MFAP4: variants seen among roughly 807,000 people sequenced by gnomAD.
The protein encoded by MFAP4 is microfibril-associated glycoprotein 4.
MFAP4 carries 20 observed loss-of-function variants against 32.4 expected under a neutral mutation model. The ratio of observed to expected loss-of-function variants is 0.62; its 90% CI spans 0.43 to 0.90. MFAP4 has a LOEUF of 0.90. Among genes scored for constraint, MFAP4 ranks in the 40% least tolerant of loss-of-function variants. The pLI, the probability that MFAP4 is intolerant of heterozygous loss-of-function variation, is 0.00. For synonymous variants in MFAP4, 146 were observed against 137.4 expected, an observed-to-expected ratio of 1.06 and a Z score of -0.44; for missense variants, 267 against 329.5, an observed-to-expected ratio of 0.81 and a Z score of 1.47.
In MFAP4 at chr17:19,384,594, G is replaced by A. The variant is rs1158096139; in HGVS notation, c.636C>T (p.Cys212=). ...LSSGAFWFRS[C]HFANLNGFYL... is the part of the protein sequence containing the mutation. The stretch of plus-strand genomic sequence containing the variant: ...AGAAGCCATTGAGGTTGGCAAAGTG[G>A]CAGCTGCGGAACCAGAAGGCTCCTG... The change falls in exon 6 of 6, where the codon TGC becomes TGT. Residue 212 remains cysteine, a synonymous_variant. Coordinates refer to ENST00000299610, the MANE Select transcript of MFAP4 (RefSeq NM_002404.3). The A allele has an allele frequency of 1.2e-6, 2 of 1,614,040 alleles. No homozygotes were observed. Among genetic ancestry groups the A allele is most frequent in the South Asian group, 1.1e-5 (1 of 91,086 alleles).
rs1702789702 is a variant in MFAP4 at position 19,385,367 on chromosome 17, A to G, written c.328T>C (p.Tyr110His). 1.2e-6 allele frequency: 2 copies of G among 1,614,002 alleles called. No individual in the cohort carries two copies. Among genetic ancestry groups the G allele is most frequent in the Non-Finnish European group, 1.7e-6 (2 of 1,180,026 alleles). Residue 110 changes from tyrosine to histidine, a missense_variant, in exon 4 of 6, where the codon TAC (tyrosine) becomes CAC (histidine). Physicochemically the swap from Tyr to His is moderately conservative, Grantham distance 83. Around this residue, in one of 3 missense-constraint regions of MFAP4, gnomAD observed 223 missense variants for 253.3 expected, o/e 0.88. Transcript: ENST00000299610. ...KLGFGRADGE[Y>H]WLGLQNMHLL... is the part of the protein sequence containing the mutation. ...CTGGTCCCTGCCTTACCCAGCCAGT[A>G]CTCTCCATCAGCACGGCCGAAGCCC...
At position 19,386,294 on chromosome 17, in the gene MFAP4, CCCT is replaced by C. The variant is rs774494474; in HGVS notation, c.240+13_240+15del. 1 of 1,574,376 alleles carries C rather than the reference CCCT, an allele frequency of 6.4e-7. No homozygotes were observed. The highest frequency in any genetic ancestry group is 2.3e-5 in the East Asian group (1 of 43,586). On this transcript the variant is annotated intron_variant, in intron 3 of 5. Transcript: ENST00000299610. The stretch of plus-strand genomic sequence containing the variant: ...ATTAGAACCAGCTCTGGCCTCTGTT[CCCT>C]CCTCCCACTCACCGTCCACTTCCCG...
At chr17:19,386,541 C>T (rs954532075) in intron 2 of MFAP4, 77 bp from the exon 3 acceptor site, 77 of 1,520,120 alleles carry the variant, frequency 5.1e-5, no homozygotes, top group Non-Finnish European at 6.6e-5. Context: ...CAAGGTTTGC[C>T]TCAGTCCCTG....
Position 19,385,419 on chromosome 17 carries a change from G to A in MFAP4, c.276C>T (p.Phe92=), listed in dbSNP as rs1191303979. The change falls in exon 4 of 6, where the codon TTC becomes TTT. Residue 92 remains phenylalanine, a synonymous_variant. Transcript: ENST00000299610. ...GCTTGTAGTCATTCCAGCCGCGGAA[G>A]AAACTTACTGAGCCATTGAATCTCT... ...FQKRFNGSVS[F]FRGWNDYKLG... is the part of the protein sequence containing the mutation. 6 of 1,614,262 alleles carry A rather than the reference G, an allele frequency of 3.7e-6. No individual in the cohort carries two copies. The East Asian group carries it at 6.7e-5, about 18-fold the overall frequency.
Position 19,384,170 on chromosome 17 carries a change from C to A in MFAP4, c.*292G>T, listed in dbSNP as rs958792788. 5 of 413,600 alleles carry A rather than the reference C, an allele frequency of 1.2e-5. No individual in the cohort carries two copies. The Admixed American group carries it at 1.8e-4, about 15-fold the overall frequency. The allele number at this position is 413,600 out of a possible 1,614,324, so 25.6% of individuals were successfully genotyped here. A position where few individuals can be genotyped will look rare whatever the true frequency, so the allele number is the denominator to read the frequency against. On this transcript the variant is annotated 3_prime_UTR_variant, in exon 6 of 6. Coordinates refer to ENST00000299610, the MANE Select transcript of MFAP4 (RefSeq NM_002404.3). ...GTCAGCTGTTGGGACAGGTTGGAGG[C>A]AACTCATTCTCATGGAGCCCAGCCA...
intron 3 of MFAP4, among the ~76,000 whole-genome samples, chr17:19,385,851 G>C (rs1229588028): frequency 6.6e-6 from 1 of 152,228 alleles, no homozygotes; most frequent in African/African-American, 2.4e-5. Context: ...GGGCGCGGTG[G>C]CTCACGCCTG....
chr17:19,384,718 G>C lies in MFAP4; in HGVS notation c.521-9C>G. On this transcript the variant is annotated splice_polypyrimidine_tract_variant and intron_variant, in intron 5 of 5. Coordinates refer to ENST00000299610, the MANE Select transcript of MFAP4 (RefSeq NM_002404.3). Reference sequence around the variant, plus strand: ...GTAGGACAGGGAGTCACCTGGCAGAGGAGAGAAGGGTTGGGGCTGCTGAGG... The same window carrying C: ...GTAGGACAGGGAGTCACCTGGCAGACGAGAGAAGGGTTGGGGCTGCTGAGG... 6.2e-7 allele frequency: 1 copy of C among 1,613,908 alleles called. No individual in the cohort carries two copies. Among genetic ancestry groups the C allele is most frequent in the Non-Finnish European group, 8.5e-7 (1 of 1,179,894 alleles).
At position 19,386,776 on chromosome 17, in the gene MFAP4, G is replaced by T; in HGVS notation, c.69C>A (p.Ser23=). The T allele has an allele frequency of 6.3e-7, 1 of 1,575,234 alleles. No individual in the cohort carries two copies. Among genetic ancestry groups the T allele is most frequent in the South Asian group, 1.2e-5 (1 of 85,786 alleles). The change falls in exon 2 of 6, where the codon TCC becomes TCA. Residue 23 remains serine, a synonymous_variant. Coordinates refer to ENST00000299610, the MANE Select transcript of MFAP4 (RefSeq NM_002404.3). ...LSTPPCAPQV[S]GIRGDALERF... ...GCTGCTTACCATCTCCTCGGATCCC[G>T]GAGACCTGGGGGGCACACGGGGGCG...
In MFAP4 at chr17:19,383,478, A is replaced by C. The variant is rs1319471918; in HGVS notation, c.*984T>G. The C allele has an allele frequency of 6.0e-6, 2 of 331,254 alleles. No homozygotes were observed. The highest frequency in any genetic ancestry group is 1.1e-5 in the Non-Finnish European group (2 of 185,222). 20.5% of individuals were successfully genotyped at this position (331,254 alleles called of 1,614,324 possible). On this transcript the variant is annotated 3_prime_UTR_variant, in exon 6 of 6. Transcript: ENST00000299610. ...ATTATATTTTTATTATTATTATGTT[A>C]TTATTACACTGTCTTTTTGCCATCA...
intron 3 of MFAP4, 64 bp downstream of exon 3, chr17:19,386,246 A>G: frequency 1.4e-6 from 2 of 1,402,118 alleles, no homozygotes; most frequent in South Asian, 2.9e-5. Flanking sequence ...CGCATATGTG[A>G]AGCCCAGGGT....
chr17:19,385,342 C>A lies in MFAP4; in HGVS notation c.337+16G>T. On this transcript the variant is annotated intron_variant, in intron 4 of 5. Transcript: ENST00000299610. ...GCCCTGGGGCAGCCCCTCAGCCCAC[C>A]TGGTCCCTGCCTTACCCAGCCAGTA... The A allele has an allele frequency of 6.2e-7, 1 of 1,614,244 alleles. No individual in the cohort carries two copies. The highest frequency in any genetic ancestry group is 8.5e-7 in the Non-Finnish European group (1 of 1,180,034).
intron 1 of MFAP4, 134 bp from the exon 2 acceptor site, chr17:19,386,972 T>A: frequency 1.1e-6 from 1 of 937,014 alleles, no homozygotes; most frequent in Non-Finnish European, 1.7e-6. Context: ...TGGCCCCTCT[T>A]CCCTGCCCCC....
rs1220800365 is a variant in MFAP4 at position 19,384,445 on chromosome 17, C to T, written c.*17G>A. ...TGGGTGTCCAGGGGAGGAAAGGTGC[C>T]TGAGGGGGCCAGCCCTTCAGGCCCG... On this transcript the variant is annotated 3_prime_UTR_variant, in exon 6 of 6. Coordinates refer to ENST00000299610, the MANE Select transcript of MFAP4 (RefSeq NM_002404.3). 2.2e-5 allele frequency: 35 copies of T among 1,555,870 alleles called. No homozygotes were observed. Among genetic ancestry groups the T allele is most frequent in the Non-Finnish European group, 2.8e-5 (32 of 1,148,874 alleles).
intron 3 of MFAP4, among the ~76,000 whole-genome samples, chr17:19,385,889 C>T (rs1023579236): frequency 3.3e-5 from 5 of 152,340 alleles, no homozygotes; most frequent in Admixed American, 6.5e-5. Context: ...GAGGCTGAGG[C>T]GGGCGGATCA....
At chr17:19,386,287 C>T in intron 3 of MFAP4, 23 bp downstream of exon 3, 1 of 1,560,698 alleles carries the variant, frequency 6.4e-7, no homozygotes, top group South Asian at 1.2e-5. Flanking sequence ...CAGCTCTGGC[C>T]TCTGTTCCCT....
chr17:19,386,725 G>A (rs748239938), intron 2 of MFAP4, 35 bp downstream of exon 2: 1 of 1,551,536 alleles, frequency 6.4e-7, no homozygotes, highest in Non-Finnish European at 8.7e-7. Context: ...ACAACCTGTG[G>A]GCCAGGCCGC....
intron 3 of MFAP4, among the ~76,000 whole-genome samples, chr17:19,385,670 T>C (rs1426000040): frequency 6.6e-6 from 1 of 152,158 alleles, no homozygotes; most frequent in Non-Finnish European, 1.5e-5. Context: ...CCACCTGGGC[T>C]CTTCATACCC....
In MFAP4 at chr17:19,385,026, G is replaced by A; in HGVS notation, c.520+73C>T. On this transcript the variant is annotated intron_variant, in intron 5 of 5. Coordinates refer to ENST00000299610, the MANE Select transcript of MFAP4 (RefSeq NM_002404.3). ...TGAAGGAGGGGCCTGAAGGAGGTTG[G>A]GGCTGACTGGGCAGGGCCAGCCCTG... 3 of 1,533,474 alleles carry A rather than the reference G, an allele frequency of 2.0e-6. No homozygotes were observed. In the South Asian group the frequency reaches 3.7e-5, roughly 19 times the overall value. The allele number at this position is 1,533,474 out of a possible 1,614,324, so 95.0% of individuals were successfully genotyped here.
chr17:19,386,354 C>T lies in MFAP4; in HGVS notation c.196G>A (p.Val66Met). The T allele has an allele frequency of 6.2e-7, 1 of 1,613,466 alleles. No homozygotes were observed. The highest frequency in any genetic ancestry group is 8.5e-7 in the Non-Finnish European group (1 of 1,179,780). The part of the protein sequence containing the change: ...LIYPSGPSVP[V>M]PVFCDMTTEG... The stretch of plus-strand genomic sequence containing the variant: ...GTGGTCATGTCACAGAAGACGGGCA[C>T]AGGCACACTGGGGCCCGAGGGGTAG... The change falls in exon 3 of 6, where the codon GTG becomes ATG. Residue 66 changes from valine (V) to methionine (M), a missense_variant. Val to Met is a conservative substitution (Grantham distance 21). This residue lies in a region of MFAP4 where 223 missense variants were observed against 253.3 expected (regional missense o/e 0.88). Transcript: ENST00000299610.
Sources: gnomAD v4.1 joint callset for allele counts (sites outside exome capture counted in the v4.1 genomes callset) on GRCh38, gnomAD v4.1.1 for gene constraint, gnomAD v4.1.1 regional missense constraint, MANE v1.5 for transcripts, NCBI Gene and HGNC (gene_info 2026-07-23, HGNC 2026-07-21) for gene names.